The following LDB2 variants were observed in gnomAD, a reference collection of about 807,000 sequenced individuals.
The protein encoded by LDB2 is LIM domain binding 2, also known as LIM domain-binding protein 2.
Under a neutral mutation model 44.3 loss-of-function variants are expected in LDB2, and 12 were observed. That is an observed-to-expected ratio of 0.27 (90% CI 0.17 to 0.44). LDB2 has a LOEUF of 0.44. LDB2 is among the 20% of genes least tolerant of loss of function. The probability of loss-of-function intolerance (pLI) is 1.00; values close to 1 mark genes in which losing one functional copy is unlikely to be tolerated. For synonymous variants in LDB2, 164 were observed against 174.8 expected (o/e 0.94, Z 0.49); for missense variants, 344 against 473.5 (o/e 0.73, Z 2.54).
chr4:16,893,924 T>C (rs1014420823), intron 1 of LDB2, among the ~76,000 whole-genome samples: 1 of 152,132 alleles, frequency 6.6e-6, no homozygotes, highest in Non-Finnish European at 1.5e-5. Context: ...CTAACAAAGA[T>C]TTGTGAACTT....
At chr4:16,654,636 C>T (rs1197435584) in intron 2 of LDB2, among the ~76,000 whole-genome samples, 2 of 152,180 alleles carry the variant, frequency 1.3e-5, no homozygotes, top group Admixed American at 6.5e-5. Flanking sequence ...AGTTTCTTTC[C>T]TGATATCTGT....
chr4:16,895,226 A>AAAT (rs1331624647), intron 1 of LDB2, among the ~76,000 whole-genome samples: 1 of 152,116 alleles, frequency 6.6e-6, no homozygotes, highest in Non-Finnish European at 1.5e-5. Context: ...TAAGAGTTAG[A>AAAT]AATAATATTA....
chr4:16,549,382 T>A (rs2152344247), intron 5 of LDB2, among the ~76,000 whole-genome samples: 1 of 152,232 alleles, frequency 6.6e-6, no homozygotes, highest in Non-Finnish European at 1.5e-5. Context: ...GAGGAATGAG[T>A]AGGAAAATAG....
At chr4:16,504,446 A>G (rs988323346) in intron 7 of LDB2, among the ~76,000 whole-genome samples, 8 of 152,234 alleles carry the variant, frequency 5.3e-5, no homozygotes, top group Admixed American at 1.3e-4. Flanking sequence ...TTAAAAAGAA[A>G]TGTCCCAAAT....
At chr4:16,693,187 G>A (rs1309439700) in intron 2 of LDB2, among the ~76,000 whole-genome samples, 3 of 152,030 alleles carry the variant, frequency 2.0e-5, no homozygotes, top group Non-Finnish European at 4.4e-5. Context: ...GTGAATCAAA[G>A]GCCTTTATAT....
chr4:16,614,798 C>T (rs1361546212), intron 2 of LDB2, among the ~76,000 whole-genome samples: 7 of 151,722 alleles, frequency 4.6e-5, no homozygotes, highest in Admixed American at 1.3e-4. Flanking sequence ...CGGCCGGGCG[C>T]GGTGGCTCAC....
chr4:16,634,292 C>T (rs1476669370), intron 2 of LDB2, among the ~76,000 whole-genome samples: 8 of 62,550 alleles, frequency 1.3e-4, no homozygotes, highest in South Asian at 1.5e-3. Flanking sequence ...GTCTTTTGCA[C>T]GGCCAAAAAA....
At chr4:16,709,273 T>C (rs768507419) in intron 2 of LDB2, among the ~76,000 whole-genome samples, 1 of 152,190 alleles carries the variant, frequency 6.6e-6, no homozygotes, top group Non-Finnish European at 1.5e-5. Context: ...AACACAAAAA[T>C]TATTCTGCAG....
At chr4:16,555,299 A>G (rs989879689) in intron 5 of LDB2, among the ~76,000 whole-genome samples, 2 of 152,208 alleles carry the variant, frequency 1.3e-5, no homozygotes, top group African/African-American at 2.4e-5. Context: ...AGTTTATAAG[A>G]GGTGTCACAT....
chr4:16,545,880 G>A (rs568857626), intron 5 of LDB2, among the ~76,000 whole-genome samples: 1 of 152,266 alleles, frequency 6.6e-6, no homozygotes, highest in Non-Finnish European at 1.5e-5. Flanking sequence ...TGGATAACAT[G>A]ACCACAAGAG....
intron 7 of LDB2, among the ~76,000 whole-genome samples, chr4:16,508,109 TG>T (rs35173145): frequency 0.39 from 58,812 of 151,928 alleles, 11,522 homozygotes; most frequent in Middle Eastern, 0.49. Flanking sequence ...ACGCCCATGT[TG>T]GGAAGGCCCA....
At chr4:16,726,166 C>A (rs1184958377) in intron 2 of LDB2, among the ~76,000 whole-genome samples, 3 of 151,964 alleles carry the variant, frequency 2.0e-5, no homozygotes, top group Non-Finnish European at 2.9e-5. Context: ...AATCTATTTA[C>A]TCAATTGCCA....
At chr4:16,537,179 C>A (rs1369463750) in intron 5 of LDB2, among the ~76,000 whole-genome samples, 3 of 152,124 alleles carry the variant, frequency 2.0e-5, no homozygotes, top group African/African-American at 7.2e-5. Flanking sequence ...CTTAGAAACA[C>A]CAAGACTTCT....
At chr4:16,602,970 T>TC (rs1161955197) in intron 2 of LDB2, among the ~76,000 whole-genome samples, 1 of 152,210 alleles carries the variant, frequency 6.6e-6, no homozygotes, top group African/African-American at 2.4e-5. Context: ...TTTATAGGTC[T>TC]CAAGTCATAG....
chr4:16,757,115 C>A (rs1766822124), intron 2 of LDB2, among the ~76,000 whole-genome samples: 1 of 152,172 alleles, frequency 6.6e-6, no homozygotes, highest in Non-Finnish European at 1.5e-5. Context: ...ATGCCTGGAC[C>A]TCGAACGGGT....
intron 3 of LDB2, among the ~76,000 whole-genome samples, chr4:16,594,845 TGA>T: frequency 6.6e-6 from 1 of 152,226 alleles, no homozygotes; most frequent in Admixed American, 6.5e-5. Flanking sequence ...AGTTTCATGT[TGA>T]GTCTTAGTCA....
intron 5 of LDB2, among the ~76,000 whole-genome samples, chr4:16,542,034 C>T (rs1362800201): frequency 3.4e-5 from 5 of 145,182 alleles, no homozygotes; most frequent in Non-Finnish European, 7.6e-5. Context: ...CCCAGATGCC[C>T]GGCTCCTCAC....
At chr4:16,542,572 G>T (rs1734213948) in intron 5 of LDB2, among the ~76,000 whole-genome samples, 1 of 152,166 alleles carries the variant, frequency 6.6e-6, no homozygotes, top group Non-Finnish European at 1.5e-5. Flanking sequence ...ATGATGGTGA[G>T]CCTTATAATC....
chr4:16,756,937 CAT>C (rs1171674193), intron 2 of LDB2, among the ~76,000 whole-genome samples: 2 of 150,152 alleles, frequency 1.3e-5, no homozygotes, highest in East Asian at 3.9e-4. Flanking sequence ...CTTATTATTT[CAT>C]ATGTGTGTGA....
Sources: gnomAD v4.1 joint callset for allele counts (sites outside exome capture counted in the v4.1 genomes callset) on GRCh38, gnomAD v4.1.1 for gene constraint, MANE v1.5 for transcripts, NCBI Gene and HGNC (gene_info 2026-07-23, HGNC 2026-07-21) for gene names.